SLC30A6: variants seen among roughly 807,000 people sequenced by gnomAD.
SLC30A6 encodes the protein zinc transporter 6.
In SLC30A6, 55 loss-of-function variants were observed where a neutral mutation model predicts 63.0. That is an observed-to-expected ratio of 0.87 (90% CI 0.70 to 1.09). The LOEUF is 1.09. SLC30A6 is among the 50% of genes least tolerant of loss of function. The pLI, the probability that SLC30A6 is intolerant of heterozygous loss-of-function variation, is 0.00. For synonymous variants in SLC30A6, 224 were observed against 186.1 expected, an observed-to-expected ratio of 1.20 and a Z score of -1.66; for missense variants, 587 against 549.2, an observed-to-expected ratio of 1.07 and a Z score of -0.69.
chr2:32,213,812 TTTTTG>T, intron 13 of SLC30A6, among the ~76,000 whole-genome samples: 15 of 107,426 alleles, frequency 1.4e-4, no homozygotes, highest in African/African-American at 4.6e-4. Context: ...TTTTTTTTTG[TTTTTG>T]TTTTGAGACG....
chr2:32,184,592 C>G (rs1353442113), intron 5 of SLC30A6, among the ~76,000 whole-genome samples: 2 of 152,112 alleles, frequency 1.3e-5, no homozygotes, highest in Admixed American at 6.6e-5. Context: ...TGGCAGACCC[C>G]TATCTCTACT....
At chr2:32,215,021 T>C (rs886438043) in intron 13 of SLC30A6, among the ~76,000 whole-genome samples, 1 of 152,224 alleles carries the variant, frequency 6.6e-6, no homozygotes, top group African/African-American at 2.4e-5. Context: ...ACAGTAGCTC[T>C]CTTACTATTT....
At chr2:32,197,274 G>A in intron 8 of SLC30A6, 70 bp from the exon 9 acceptor site, 1 of 1,359,634 alleles carries the variant, frequency 7.4e-7, no homozygotes, top group Middle Eastern at 2.5e-4. Context: ...TAAAATTAAA[G>A]AACTCAAATA....
chr2:32,186,871 C>T (rs1682868052), intron 5 of SLC30A6, among the ~76,000 whole-genome samples: 1 of 150,958 alleles, frequency 6.6e-6, no homozygotes, highest in African/African-American at 2.4e-5. Context: ...GTGGGGCGTG[C>T]CTGCATTCCC....
chr2:32,219,482 T>A (rs1191970969), intron 13 of SLC30A6, among the ~76,000 whole-genome samples: 1 of 150,438 alleles, frequency 6.6e-6, no homozygotes, highest in Non-Finnish European at 1.5e-5. Context: ...TCACTCAGGC[T>A]GGAGTGCAGT....
At chr2:32,187,458 C>T (rs1184192656) in intron 5 of SLC30A6, among the ~76,000 whole-genome samples, 2 of 152,174 alleles carry the variant, frequency 1.3e-5, no homozygotes, top group African/African-American at 4.8e-5. Context: ...CGTGTAAGGA[C>T]ATGACAGCTC....
At chr2:32,191,926 T>A (rs2148851545) in intron 5 of SLC30A6, among the ~76,000 whole-genome samples, 1 of 152,254 alleles carries the variant, frequency 6.6e-6, no homozygotes, top group African/African-American at 2.4e-5. Flanking sequence ...TTAGATGAGG[T>A]AATATGTTAA....
intron 4 of SLC30A6, among the ~76,000 whole-genome samples, chr2:32,176,839 C>G (rs1255088797): frequency 6.6e-6 from 1 of 151,328 alleles, no homozygotes; most frequent in Non-Finnish European, 1.5e-5. Context: ...GTGGCATGAT[C>G]TCAGCTCACT....
chr2:32,181,832 C>T (rs1435940649), intron 4 of SLC30A6, among the ~76,000 whole-genome samples: 5 of 151,342 alleles, frequency 3.3e-5, no homozygotes, highest in African/African-American at 9.7e-5. Context: ...TGTGCCACTG[C>T]ACTCCAACCT....
At chr2:32,203,969 C>T in intron 10 of SLC30A6, 1 of 754,132 alleles carries the variant, frequency 1.3e-6, no homozygotes. Flanking sequence ...AGAAATCGAT[C>T]AAGAAGTGGG....
rs1686181564 is a variant in SLC30A6 at position 32,222,241 on chromosome 2, A to G, written c.*1528A>G. On this transcript the variant is annotated 3_prime_UTR_variant, in exon 14 of 14. Coordinates refer to ENST00000282587, the MANE Select transcript of SLC30A6 (RefSeq NM_017964.5). ...AAAGTATAACAAGCAGCAGTCACAC[A>G]TGACCTAGGAGGGTTTTTTATTGTT... 2 of 152,206 alleles carry G rather than the reference A, an allele frequency of 1.3e-5. No homozygotes were observed. Among genetic ancestry groups the G allele is most frequent in the Non-Finnish European group, 2.9e-5 (2 of 68,032 alleles). The allele number at this position is 152,206 out of a possible 1,614,324, so 9.4% of individuals were successfully genotyped here. A position where few individuals can be genotyped will look rare whatever the true frequency, so the allele number is the denominator to read the frequency against.
At position 32,189,596 on chromosome 2, in the gene SLC30A6, C is replaced by CTTTT. The variant is rs3040842; in HGVS notation, c.285-2713_285-2710dup. ...ATAAGCATGAGCCACCGCACCCGGC[C>CTTTT]TTTTTTTTTTTTTTTTTTTTTTTTT... On this transcript the variant is annotated intron_variant, in intron 5 of 13. Transcript: ENST00000282587. Among the ~76,000 whole-genome samples, 18 of 51,930 alleles carry CTTTT rather than the reference C, an allele frequency of 3.5e-4. 1 individual carries two copies. The highest frequency in any genetic ancestry group is 1.5e-3 in the African/African-American group (16 of 10,396). 34.1% of individuals were successfully genotyped at this position (51,930 alleles called of 152,430 possible).
intron 5 of SLC30A6, among the ~76,000 whole-genome samples, 179 bp from the exon 6 acceptor site, chr2:32,192,157 G>C (rs1222241486): frequency 1.3e-5 from 2 of 151,882 alleles, no homozygotes; most frequent in Non-Finnish European, 2.9e-5. Flanking sequence ...CTTGGAATCT[G>C]TGATTTTCAT....
chr2:32,195,331 G>T (rs1402680490), intron 8 of SLC30A6, among the ~76,000 whole-genome samples: 2 of 152,102 alleles, frequency 1.3e-5, no homozygotes, highest in Admixed American at 1.3e-4. Context: ...CTCCCAAAGT[G>T]CCGGGATTAC....
Position 32,170,495 on chromosome 2 carries a change from A to G in SLC30A6, c.4-792A>G, listed in dbSNP as rs555328612. 8.6e-4 allele frequency among the ~76,000 whole-genome samples: 131 copies of G among 152,214 alleles called. 1 individual carries two copies. In the South Asian group the frequency reaches 0.01, roughly 12 times the overall value. On this transcript the variant is annotated intron_variant, in intron 1 of 13. Transcript: ENST00000282587. ...GTGAGCCCTATCTTTACTATCCCCA[A>G]ACTAACTATACACTAGCAGGGGCCA...
Position 32,222,719 on chromosome 2 carries a change from T to C in SLC30A6, c.*2006T>C, listed in dbSNP as rs760091037. The stretch of plus-strand genomic sequence containing the variant: ...AACCTGTTCCTTGGCCTTTATCTTA[T>C]GTTTTCCAACTATTACTGTATCTGT... On this transcript the variant is annotated 3_prime_UTR_variant, in exon 14 of 14. Transcript: ENST00000282587. 7.9e-5 allele frequency: 12 copies of C among 152,236 alleles called. No homozygotes were observed. The highest frequency in any genetic ancestry group is 1.4e-4 in the African/African-American group (6 of 41,460). 9.4% of individuals were successfully genotyped at this position (152,236 alleles called of 1,614,324 possible).
chr2:32,205,693 G>GTC (rs1379106696), intron 11 of SLC30A6, among the ~76,000 whole-genome samples: 1 of 115,008 alleles, frequency 8.7e-6, no homozygotes, highest in Non-Finnish European at 1.7e-5. Flanking sequence ...TTGAGACAGA[G>GTC]TCTCTCTCTC....
Position 32,221,127 on chromosome 2 carries a change from A to T in SLC30A6, c.*414A>T. On this transcript the variant is annotated 3_prime_UTR_variant, in exon 14 of 14. Transcript: ENST00000282587. ...CCGGCCAATACATTATTATTAACTT[A>T]AGGCTGTACTTTATTAAGGCTTCCT... 4.8e-6 allele frequency: 1 copy of T among 207,910 alleles called. No individual in the cohort carries two copies. The highest frequency in any genetic ancestry group is 9.7e-6 in the Non-Finnish European group (1 of 103,470). 12.9% of individuals were successfully genotyped at this position (207,910 alleles called of 1,614,324 possible). A position where few individuals can be genotyped will look rare whatever the true frequency, so the allele number is the denominator to read the frequency against.
chr2:32,169,011 G>A lies in SLC30A6; in HGVS notation c.4-2276G>A, dbSNP rs1680931731. Among the ~76,000 whole-genome samples the A allele has an allele frequency of 3.3e-5, 5 of 152,070 alleles. 1 individual carries two copies. In the South Asian group the frequency reaches 1.0e-3, roughly 32 times the overall value. On this transcript the variant is annotated intron_variant, in intron 1 of 13. Transcript: ENST00000282587. ...TGATTCTCTTAACCTGAAACTTAAAGTTGGCTAGGGTTAAACAGAAGATGT... is the reference window on the plus strand; with the variant it reads ...TGATTCTCTTAACCTGAAACTTAAAATTGGCTAGGGTTAAACAGAAGATGT...
Sources: allele counts gnomAD v4.1 joint callset (sites outside exome capture counted in the v4.1 genomes callset), GRCh38; gene constraint gnomAD v4.1.1; transcripts MANE v1.5; gene names NCBI Gene and HGNC (gene_info 2026-07-23, HGNC 2026-07-21).